SAMMSON: variants seen among roughly 807,000 people sequenced by gnomAD.
The protein encoded by SAMMSON is survival associated mitochondrial melanoma specific oncogenic non-coding RNA.
intron 9 of SAMMSON, among the ~76,000 whole-genome samples, chr3:70,380,199 A>T (rs1703053985): frequency 6.6e-6 from 1 of 152,124 alleles, no homozygotes; most frequent in South Asian, 2.1e-4. Context: ...CAAAAATTTA[A>T]GAACCACAAA....
Position 70,135,153 on chromosome 3 carries a change from C to T in SAMMSON, n.507+63588C>T, listed in dbSNP as rs566438570. Among the ~76,000 whole-genome samples, 3 of 152,106 alleles carry T rather than the reference C, an allele frequency of 2.0e-5. No individual in the cohort carries two copies. The South Asian group carries it at 6.2e-4, about 32-fold the overall frequency. On this transcript the variant is annotated intron_variant and non_coding_transcript_variant, in intron 4 of 9. Transcript: ENST00000642114. ...CCTGTGCATTTATTTGTCAATAAAACCTATGGTCTTATTGGTTTTTTCTCA... is the reference window on the plus strand; with the variant it reads ...CCTGTGCATTTATTTGTCAATAAAATCTATGGTCTTATTGGTTTTTTCTCA...
chr3:70,268,603 A>G (rs1326527059), intron 6 of SAMMSON, among the ~76,000 whole-genome samples: 1 of 152,032 alleles, frequency 6.6e-6, no homozygotes, highest in Non-Finnish European at 1.5e-5. Context: ...TGTACCTTCT[A>G]TGGGTTTGGA....
intron 7 of SAMMSON, chr3:70,291,308 C>G (rs1259976156): frequency 6.6e-6 from 1 of 151,990 alleles, no homozygotes; most frequent in African/African-American, 2.4e-5. Flanking sequence ...TAGCAGCCAA[C>G]TCATTTTTTT....
intron 4 of SAMMSON, among the ~76,000 whole-genome samples, chr3:70,079,864 C>T (rs1176804419): frequency 6.6e-6 from 1 of 152,184 alleles, no homozygotes; most frequent in Non-Finnish European, 1.5e-5. Context: ...GTGCACCAAG[C>T]CCCCAGCTGC....
chr3:70,380,261 T>C (rs1703054291), intron 9 of SAMMSON, among the ~76,000 whole-genome samples: 1 of 152,082 alleles, frequency 6.6e-6, no homozygotes, highest in South Asian at 2.1e-4. Flanking sequence ...TTAAAGTATG[T>C]TTATGTAGGA....
chr3:70,255,272 A>C (rs1003984968), intron 6 of SAMMSON, among the ~76,000 whole-genome samples: 24 of 152,234 alleles, frequency 1.6e-4, no homozygotes, highest in African/African-American at 4.8e-4. Context: ...AATTTTTGTA[A>C]AACAAAACTT....
At chr3:70,326,519 C>T (rs2106720171) in intron 7 of SAMMSON, among the ~76,000 whole-genome samples, 1 of 152,178 alleles carries the variant, frequency 6.6e-6, no homozygotes, top group East Asian at 1.9e-4. Context: ...TGGCAGTGAA[C>T]TTTCATTTTG....
intron 3 of SAMMSON, among the ~76,000 whole-genome samples, chr3:70,036,171 A>C (rs2067084416): frequency 6.6e-6 from 1 of 152,150 alleles, no homozygotes; most frequent in African/African-American, 2.4e-5. Context: ...AATAAGGGAG[A>C]GAGGCCAATA....
At chr3:70,150,951 T>G (rs896549770) in intron 4 of SAMMSON, among the ~76,000 whole-genome samples, 5 of 152,062 alleles carry the variant, frequency 3.3e-5, no homozygotes, top group Non-Finnish European at 5.9e-5. Flanking sequence ...AATGTGACAT[T>G]CTGGGTTATC....
intron 3 of SAMMSON, among the ~76,000 whole-genome samples, chr3:70,059,800 A>C (rs962748672): frequency 6.6e-6 from 1 of 152,062 alleles, no homozygotes; most frequent in Non-Finnish European, 1.5e-5. Context: ...TAAATTGGCT[A>C]TGGGGGACTT....
intron 6 of SAMMSON, among the ~76,000 whole-genome samples, chr3:70,254,879 T>C (rs1477801325): frequency 6.6e-6 from 1 of 152,232 alleles, no homozygotes; most frequent in East Asian, 1.9e-4. Flanking sequence ...GAGCATATTA[T>C]ATAAAATTGT....
chr3:70,114,458 T>C (rs1210627450), intron 4 of SAMMSON, among the ~76,000 whole-genome samples: 1 of 152,212 alleles, frequency 6.6e-6, no homozygotes, highest in Non-Finnish European at 1.5e-5. Flanking sequence ...AAGTTGTTTA[T>C]GCAAACAGGC....
Position 70,387,832 on chromosome 3 carries a change from T to C in SAMMSON, n.914-1742T>C, listed in dbSNP as rs74502089. Among the ~76,000 whole-genome samples the C allele has an allele frequency of 2.0e-3, 297 of 152,246 alleles. 1 individual carries two copies. The highest frequency in any genetic ancestry group is 6.6e-3 in the African/African-American group (276 of 41,570). ...AATGTTCTACCTACCTCTCAAATGA[T>C]TTAATGTCATCACAAATAGGAGTTA... On this transcript the variant is annotated intron_variant and non_coding_transcript_variant, in intron 9 of 9. Coordinates refer to ENST00000642114, the Ensembl canonical transcript of SAMMSON.
At chr3:70,199,873 C>T (rs543771046) in intron 4 of SAMMSON, among the ~76,000 whole-genome samples, 9 of 152,316 alleles carry the variant, frequency 5.9e-5, no homozygotes, top group African/African-American at 1.7e-4. Flanking sequence ...CTATTGCCTG[C>T]TGCACGTCTC....
downstream of SAMMSON, among the ~76,000 whole-genome samples, chr3:70,394,001 C>T (rs1283543435): frequency 1.3e-5 from 2 of 152,142 alleles, no homozygotes; most frequent in Non-Finnish European, 2.9e-5. Flanking sequence ...ACAAGAGGCT[C>T]TTTCCAGTGA....
intron 4 of SAMMSON, among the ~76,000 whole-genome samples, chr3:70,211,120 T>C (rs1701340601): frequency 6.6e-6 from 1 of 152,144 alleles, no homozygotes; most frequent in Admixed American, 6.6e-5. Context: ...GATGAATAAG[T>C]ACTAGGTCCT....
intron 7 of SAMMSON, among the ~76,000 whole-genome samples, chr3:70,311,569 A>G (rs376458552): frequency 1.3e-5 from 2 of 152,318 alleles, no homozygotes; most frequent in South Asian, 4.1e-4. Flanking sequence ...TCTTGGCTAT[A>G]AAGGAGAAAA....
At chr3:70,080,093 A>G (rs1366410681) in intron 4 of SAMMSON, among the ~76,000 whole-genome samples, 2 of 152,040 alleles carry the variant, frequency 1.3e-5, no homozygotes, top group African/African-American at 4.8e-5. Context: ...CACTTTTTTC[A>G]TTACAGGTTT....
intron 4 of SAMMSON, among the ~76,000 whole-genome samples, chr3:70,209,627 C>G (rs191629164): frequency 1.3e-5 from 2 of 152,194 alleles, no homozygotes; most frequent in Admixed American, 1.3e-4. Flanking sequence ...AACTGAGATT[C>G]AAATCTAGGC....
Sources: allele counts gnomAD v4.1 joint callset (sites outside exome capture counted in the v4.1 genomes callset), GRCh38; gene constraint gnomAD v4.1.1; transcripts MANE v1.5; gene names NCBI Gene and HGNC (gene_info 2026-07-23, HGNC 2026-07-21).